KCNH7: variants seen among roughly 807,000 people sequenced by gnomAD.
The protein encoded by KCNH7 is voltage-gated inwardly rectifying potassium channel KCNH7.
A neutral mutation model predicts 120.8 loss-of-function variants in KCNH7; 49 were observed. The observed-to-expected ratio is 0.41, with a 90% confidence interval of 0.32 to 0.51. KCNH7 has a LOEUF of 0.51. Ranked by LOEUF, KCNH7 falls within the 20% of genes least tolerant of loss-of-function variation. KCNH7 has a pLI of 0.38. For synonymous variants in KCNH7, 547 were observed against 516.1 expected, an observed-to-expected ratio of 1.06 and a Z score of -0.81; for missense variants, 1,097 against 1,446.6, an observed-to-expected ratio of 0.76 and a Z score of 3.92.
chr2:162,712,074 C>T (rs932824362), intron 2 of KCNH7, among the ~76,000 whole-genome samples: 1 of 152,084 alleles, frequency 6.6e-6, no homozygotes, highest in Non-Finnish European at 1.5e-5. Context: ...GTGTGCTTTG[C>T]CCTCAAGTAC....
intron 6 of KCNH7, among the ~76,000 whole-genome samples, chr2:162,471,696 T>C (rs375915447): frequency 0.073 from 11,137 of 152,120 alleles, 1,281 homozygotes; most frequent in African/African-American, 0.25. Context: ...CCATCCCTAT[T>C]AAGCTACCAA....
At chr2:162,423,137 G>T in intron 9 of KCNH7, 199 bp downstream of exon 9, 1 of 1,106,822 alleles carries the variant, frequency 9.0e-7, no homozygotes, top group Non-Finnish European at 1.3e-6. Flanking sequence ...TAATGCCTTT[G>T]CCACACAGTA....
chr2:162,678,166 T>A (rs1685590102), intron 2 of KCNH7, among the ~76,000 whole-genome samples: 1 of 151,386 alleles, frequency 6.6e-6, no homozygotes, highest in Admixed American at 6.6e-5. Context: ...AGATGCCTAT[T>A]TCTAGATCAC....
intron 8 of KCNH7, among the ~76,000 whole-genome samples, chr2:162,429,239 C>A (rs1687975635): frequency 6.6e-6 from 1 of 151,784 alleles, no homozygotes; most frequent in Non-Finnish European, 1.5e-5. Flanking sequence ...ATATATACTT[C>A]TATTTCTTCT....
rs140852450 is a variant in KCNH7, at chr2:162,780,214, A to T, written c.307+56323T>A. On this transcript the variant is annotated intron_variant, in intron 2 of 15. Coordinates refer to ENST00000332142, the MANE Select transcript of KCNH7 (RefSeq NM_033272.4). Reference sequence around the variant, plus strand: ...AAAGATGTTATTTTCCTCCACAAAAAAACTGTAGCCTATTACTCAAAGCTT... The same window carrying T: ...AAAGATGTTATTTTCCTCCACAAAATAACTGTAGCCTATTACTCAAAGCTT... 2.7e-4 allele frequency among the ~76,000 whole-genome samples: 41 copies of T among 152,326 alleles called. No individual in the cohort carries two copies. In the East Asian group the frequency reaches 6.7e-3, roughly 25 times the overall value.
rs1300002544 is a variant in KCNH7 at position 162,446,119 on chromosome 2, GA to G, written c.1452del (p.Ala486ProfsTer3). 1 of 1,613,638 alleles carries G rather than the reference GA, an allele frequency of 6.2e-7. No homozygotes were observed. The highest frequency in any genetic ancestry group is 8.5e-7 in the Non-Finnish European group (1 of 1,179,802). ...YVNQNEEVVS[D>X]PAKIAIHYFK... ...AAGTAGTGTATTGCTATTTTGGCGG[GA>G]TCACTTACCACTTCTTCATTCTGAT... On this transcript the variant is annotated frameshift_variant, in exon 7 of 16. Coordinates refer to ENST00000332142, the MANE Select transcript of KCNH7 (RefSeq NM_033272.4). LOFTEE classifies it high-confidence loss of function.
At chr2:162,623,786 C>T (rs1040650918) in intron 2 of KCNH7, among the ~76,000 whole-genome samples, 2 of 152,168 alleles carry the variant, frequency 1.3e-5, no homozygotes, top group African/African-American at 4.8e-5. Flanking sequence ...GCCTGGTACA[C>T]ATGATATATC....
At chr2:162,567,994 T>G (rs1202945285) in intron 2 of KCNH7, among the ~76,000 whole-genome samples, 2 of 152,060 alleles carry the variant, frequency 1.3e-5, no homozygotes, top group African/African-American at 4.8e-5. Context: ...AAGACATACC[T>G]GAGCCTGGGT....
intron 2 of KCNH7, among the ~76,000 whole-genome samples, chr2:162,709,075 G>A (rs1042463886): frequency 1.1e-4 from 16 of 152,010 alleles, no homozygotes; most frequent in African/African-American, 3.9e-4. Flanking sequence ...AAAAGTTGTT[G>A]TAACCCTACT....
chr2:162,427,668 T>C (rs1030112910), intron 8 of KCNH7, among the ~76,000 whole-genome samples: 1 of 151,914 alleles, frequency 6.6e-6, no homozygotes, highest in Non-Finnish European at 1.5e-5. Flanking sequence ...TTCTTAATGG[T>C]GTGTTTTGAA....
intron 2 of KCNH7, among the ~76,000 whole-genome samples, chr2:162,540,748 G>A (rs1692275724): frequency 6.6e-6 from 1 of 152,088 alleles, no homozygotes; most frequent in Non-Finnish European, 1.5e-5. Flanking sequence ...GGAAGGCACT[G>A]GAGAGTTTTA....
intron 2 of KCNH7, among the ~76,000 whole-genome samples, chr2:162,764,545 G>T (rs1039321288): frequency 1.3e-5 from 2 of 152,048 alleles, no homozygotes; most frequent in Non-Finnish European, 2.9e-5. Context: ...TCTTTAAAAT[G>T]TATAGAATAG....
chr2:162,709,760 G>T (rs1686852507), intron 2 of KCNH7, among the ~76,000 whole-genome samples: 1 of 152,076 alleles, frequency 6.6e-6, no homozygotes, highest in Admixed American at 6.6e-5. Context: ...CATTGCCTCT[G>T]CAAATGCTCT....
At chr2:162,618,493 T>C (rs1683227204) in intron 2 of KCNH7, among the ~76,000 whole-genome samples, 1 of 151,986 alleles carries the variant, frequency 6.6e-6, no homozygotes, top group Non-Finnish European at 1.5e-5. Context: ...TACACAGAAA[T>C]CACTAGTTTA....
rs374036601 is a variant in KCNH7 at position 162,540,354 on chromosome 2, G to A, written c.308-3274C>T. 4.7e-4 allele frequency among the ~76,000 whole-genome samples: 71 copies of A among 152,048 alleles called. 1 individual carries two copies. Among genetic ancestry groups the A allele is most frequent in the African/African-American group, 1.6e-3 (68 of 41,416 alleles). On this transcript the variant is annotated intron_variant, in intron 2 of 15. Coordinates refer to ENST00000332142, the MANE Select transcript of KCNH7 (RefSeq NM_033272.4). ...TGGAAAAGACTGTTTAGGAGGAACA[G>A]TGCTAATTTTAATAAAATTTTTAGA...
At chr2:162,496,440 T>A (rs1424061564) in intron 6 of KCNH7, among the ~76,000 whole-genome samples, 2 of 152,112 alleles carry the variant, frequency 1.3e-5, no homozygotes, top group Non-Finnish European at 2.9e-5. Context: ...ATTCATGCCT[T>A]ATACAAATAT....
intron 6 of KCNH7, among the ~76,000 whole-genome samples, chr2:162,500,725 C>T (rs1482045303): frequency 2.0e-5 from 3 of 151,930 alleles, no homozygotes; most frequent in Non-Finnish European, 2.9e-5. Flanking sequence ...AAATCTATTA[C>T]GTGAATAAAA....
intron 2 of KCNH7, among the ~76,000 whole-genome samples, chr2:162,605,074 T>C (rs1319267907): frequency 3.3e-5 from 5 of 152,086 alleles, no homozygotes; most frequent in African/African-American, 1.2e-4. Context: ...ATTATTGAGG[T>C]GATAGACAAT....
chr2:162,570,102 G>A (rs1424566417), intron 2 of KCNH7, among the ~76,000 whole-genome samples: 5 of 148,112 alleles, frequency 3.4e-5, no homozygotes, highest in Middle Eastern at 3.4e-3. Context: ...TTTCTGTCTC[G>A]TTGATCTGTC....
Sources: gnomAD v4.1 joint callset for allele counts (sites outside exome capture counted in the v4.1 genomes callset) on GRCh38, gnomAD v4.1.1 for gene constraint, MANE v1.5 for transcripts, NCBI Gene and HGNC (gene_info 2026-07-23, HGNC 2026-07-21) for gene names.